The following AMD1 variants were observed in gnomAD, a reference collection of about 807,000 sequenced individuals.
AMD1 encodes S-adenosylmethionine decarboxylase proenzyme.
In AMD1, 11 loss-of-function variants were observed where a neutral mutation model predicts 40.2. That is an observed-to-expected ratio of 0.27 (90% CI 0.17 to 0.45). The LOEUF (loss-of-function observed/expected upper bound fraction) is 0.45, where lower values mean the gene tolerates loss of function less well. Among genes scored for constraint, AMD1 ranks in the 20% least tolerant of loss-of-function variants. AMD1 has a pLI of 1.00. For missense variants in AMD1, 257 were observed against 410.2 expected (o/e 0.63, Z 3.23); for synonymous variants, 121 against 130.8 (o/e 0.93, Z 0.51).
chr6:110,829,158 A>G, the AMD1 span, among the ~76,000 whole-genome samples: 1 of 151,910 alleles, frequency 6.6e-6, no homozygotes, highest in Non-Finnish European at 1.5e-5. Context: ...CGACAAGAAC[A>G]AAACTCCGTC....
the AMD1 span, among the ~76,000 whole-genome samples, chr6:110,827,061 A>G: frequency 6.6e-6 from 1 of 152,024 alleles, no homozygotes; most frequent in African/African-American, 2.4e-5. Context: ...GTCCAGCATA[A>G]CCTCATTTTA....
At chr6:110,832,090 G>A in the AMD1 span, among the ~76,000 whole-genome samples, 1 of 146,920 alleles carries the variant, frequency 6.8e-6, no homozygotes, top group African/African-American at 2.5e-5. Flanking sequence ...TCGGCTCACT[G>A]CAACCTCCGC....
the AMD1 span, among the ~76,000 whole-genome samples, chr6:110,867,088 C>T: frequency 6.6e-6 from 1 of 152,032 alleles, no homozygotes; most frequent in Admixed American, 6.6e-5. Flanking sequence ...GCTGGGATTA[C>T]AGGCGTGAGC....
At chr6:110,852,675 A>G in the AMD1 span, among the ~76,000 whole-genome samples, 3 of 152,316 alleles carry the variant, frequency 2.0e-5, no homozygotes, top group African/African-American at 7.2e-5. Flanking sequence ...ACAATAATCA[A>G]TACAAAGAAT....
the AMD1 span, among the ~76,000 whole-genome samples, chr6:110,861,197 A>G: frequency 2.0e-5 from 3 of 152,002 alleles, no homozygotes; most frequent in Non-Finnish European, 4.4e-5. Flanking sequence ...TCTCTACTAT[A>G]AACACAAAAA....
the AMD1 span, among the ~76,000 whole-genome samples, chr6:110,841,968 A>G: frequency 6.6e-6 from 1 of 151,892 alleles, no homozygotes. Flanking sequence ...ACGCCTGGCT[A>G]ATTTTTGCAT....
At position 110,893,807 on chromosome 6, in the gene AMD1, A is replaced by G; in HGVS notation, c.*191A>G. The G allele has an allele frequency of 1.6e-6, 1 of 606,798 alleles. No homozygotes were observed. Among genetic ancestry groups the G allele is most frequent in the Non-Finnish European group, 2.8e-6 (1 of 361,882 alleles). The allele number at this position is 606,798 out of a possible 1,614,324, so 37.6% of individuals were successfully genotyped here. ...TATATCAAGGAGTTAGATATCTTGCATGAATGCTCTCTTCTGTGTTTAGGT... is the reference window on the plus strand; with the variant it reads ...TATATCAAGGAGTTAGATATCTTGCGTGAATGCTCTCTTCTGTGTTTAGGT... On this transcript the variant is annotated 3_prime_UTR_variant, in exon 9 of 9. Transcript: ENST00000368885.
upstream of AMD1, among the ~76,000 whole-genome samples, chr6:110,874,337 T>G (rs1368644786): frequency 1.3e-5 from 2 of 152,156 alleles, no homozygotes; most frequent in Non-Finnish European, 2.9e-5. Context: ...AATGGCCAAG[T>G]ACCTCAGCAG....
At chr6:110,819,202 A>G in the AMD1 span, among the ~76,000 whole-genome samples, 11 of 152,146 alleles carry the variant, frequency 7.2e-5, no homozygotes, top group Admixed American at 2.6e-4. Flanking sequence ...TACTACAAAT[A>G]CAAAATGAGC....
At chr6:110,835,895 C>A in the AMD1 span, among the ~76,000 whole-genome samples, 1 of 150,806 alleles carries the variant, frequency 6.6e-6, no homozygotes, top group Non-Finnish European at 1.5e-5. Flanking sequence ...AAAATCAGTC[C>A]CAGCTACTTG....
Position 110,892,336 on chromosome 6 carries a change from ATCAG to A in AMD1, c.513_516del (p.Pro173IlefsTer7). 1 of 1,613,568 alleles carries A rather than the reference ATCAG, an allele frequency of 6.2e-7. No individual in the cohort carries two copies. The highest frequency in any genetic ancestry group is 8.5e-7 in the Non-Finnish European group (1 of 1,180,028). On this transcript the variant is annotated frameshift_variant, in exon 6 of 9. Transcript: ENST00000368885. LOFTEE classifies it high-confidence loss of function. ...TCTGGATTTCCCAGAGAGTCGGGTA[ATCAG>A]TCAGCCAGATCAAACCTTGGAAATT...
chr6:110,826,320 G>A, the AMD1 span, among the ~76,000 whole-genome samples: 1 of 148,492 alleles, frequency 6.7e-6, no homozygotes, highest in East Asian at 2.0e-4. Context: ...TCTGTAGGAT[G>A]AGGATGCAGC....
chr6:110,874,813 C>A lies in AMD1; in HGVS notation c.-293C>A. 1 of 313,688 alleles carries A rather than the reference C, an allele frequency of 3.2e-6. No individual in the cohort carries two copies. The highest frequency in any genetic ancestry group is 6.5e-5 in the East Asian group (1 of 15,316). The allele number at this position is 313,688 out of a possible 1,614,324, so 19.4% of individuals were successfully genotyped here. A position where few individuals can be genotyped will look rare whatever the true frequency, so the allele number is the denominator to read the frequency against. On this transcript the variant is annotated 5_prime_UTR_variant, in exon 1 of 9. Transcript: ENST00000368885. ...TACACAGTATGGCCGGCGACATTAG[C>A]TAGCGCTCGCTCTACTCTCTCTAAC...
At chr6:110,826,436 TG>T in the AMD1 span, among the ~76,000 whole-genome samples, 1 of 151,984 alleles carries the variant, frequency 6.6e-6, no homozygotes, top group Non-Finnish European at 1.5e-5. Flanking sequence ...TGCCACAAAC[TG>T]GGTGGCTTTA....
intron 1 of AMD1, among the ~76,000 whole-genome samples, chr6:110,876,091 A>T (rs1444006389): frequency 6.6e-6 from 1 of 152,150 alleles, no homozygotes; most frequent in Admixed American, 6.5e-5. Context: ...TGAGCAAAGG[A>T]ATCTGGGGCC....
chr6:110,888,675 G>T, intron 2 of AMD1, 182 bp from the exon 3 acceptor site: 1 of 457,890 alleles, frequency 2.2e-6, no homozygotes, highest in Non-Finnish European at 3.8e-6. Context: ...TGCTTACCAT[G>T]TGCCAAGCCC....
chr6:110,892,282 T>G lies in AMD1; in HGVS notation c.471-17T>G. Reference sequence around the variant, plus strand: ...GCCAATTGTCATTTTTAGGAACTATTTTTAATTTTTATTTAGGTACTTATA... The same window carrying G: ...GCCAATTGTCATTTTTAGGAACTATGTTTAATTTTTATTTAGGTACTTATA... On this transcript the variant is annotated splice_polypyrimidine_tract_variant and intron_variant, in intron 5 of 8. Transcript: ENST00000368885. 2 of 1,613,408 alleles carry G rather than the reference T, an allele frequency of 1.2e-6. No individual in the cohort carries two copies. Among genetic ancestry groups the G allele is most frequent in the South Asian group, 1.1e-5 (1 of 90,762 alleles).
chr6:110,831,391 A>G, the AMD1 span, among the ~76,000 whole-genome samples: 1 of 151,362 alleles, frequency 6.6e-6, no homozygotes, highest in Admixed American at 6.6e-5. Context: ...GTGAGCGGAG[A>G]CCGTGGCATT....
chr6:110,867,039 T>C, the AMD1 span, among the ~76,000 whole-genome samples: 1 of 152,064 alleles, frequency 6.6e-6, no homozygotes, highest in African/African-American at 2.4e-5. Flanking sequence ...GGTCTCGATC[T>C]CCTGACCTCG....
Sources: gnomAD v4.1 joint callset for allele counts (sites outside exome capture counted in the v4.1 genomes callset) on GRCh38, gnomAD v4.1.1 for gene constraint, MANE v1.5 for transcripts, NCBI Gene and HGNC (gene_info 2026-07-23, HGNC 2026-07-21) for gene names.